The following MTERF4 variants were observed in gnomAD, a reference collection of about 807,000 sequenced individuals.
The protein encoded by MTERF4 is transcription termination factor 4, mitochondrial.
A neutral mutation model predicts 22.5 loss-of-function variants in MTERF4; 17 were observed. That is an observed-to-expected ratio of 0.75 (90% CI 0.52 to 1.13). The LOEUF is 1.13. Among genes scored for constraint, MTERF4 ranks in the 50% most tolerant of loss-of-function variants. MTERF4 has a pLI of 0.00. For synonymous variants in MTERF4, 165 were observed against 175.3 expected (o/e 0.94, Z 0.47); for missense variants, 420 against 466.8 (o/e 0.90, Z 0.92).
chr2:241,050,043 C>T, the MTERF4 span: 8 of 792,650 alleles, frequency 1.0e-5, no homozygotes, highest in East Asian at 2.6e-5. Context: ...TTGCTGACCT[C>T]GTCTAGAGCC....
chr2:241,087,848 C>T (rs776035322), downstream of MTERF4: 12 of 505,918 alleles, frequency 2.4e-5, no homozygotes, highest in Non-Finnish European at 3.8e-5. Context: ...GTTCTTTCCA[C>T]AAAGGGTTCA....
chr2:241,086,262 G>A (rs141140750), downstream of MTERF4, among the ~76,000 whole-genome samples: 1 of 152,160 alleles, frequency 6.6e-6, no homozygotes, highest in Non-Finnish European at 1.5e-5. Context: ...TTTGCCTTGT[G>A]GGGATTCACC....
downstream of MTERF4, chr2:241,067,677 C>A: frequency 8.5e-7 from 1 of 1,178,412 alleles, no homozygotes; most frequent in Non-Finnish European, 1.2e-6. Context: ...CCCCAGCACC[C>A]TCCCAAGCCT....
At chr2:241,070,578 CACAG>C (rs1478698303), downstream of MTERF4, among the ~76,000 whole-genome samples, 1 of 152,320 alleles carries the variant, frequency 6.6e-6, no homozygotes, top group South Asian at 2.1e-4. Flanking sequence ...AGCCACTGGA[CACAG>C]ACAGACAAAG....
chr2:241,048,651 C>T, the MTERF4 span: 1 of 1,601,338 alleles, frequency 6.2e-7, no homozygotes, highest in Admixed American at 1.7e-5. Flanking sequence ...TCCTCCCTCT[C>T]TTCGTGGCAG....
At chr2:241,052,477 G>C in the MTERF4 span, 6 of 1,594,254 alleles carry the variant, frequency 3.8e-6, no homozygotes, top group Admixed American at 1.7e-5. Context: ...AGGTGAGAGG[G>C]TCAGGGGGAT....
downstream of MTERF4, chr2:241,071,530 C>T: frequency 2.6e-6 from 4 of 1,554,542 alleles, no homozygotes; most frequent in Non-Finnish European, 3.5e-6. Context: ...GGGACAGGAG[C>T]AGAGGGCAGC....
At chr2:241,088,236 G>A (rs1427526730), downstream of MTERF4, 16 of 722,664 alleles carry the variant, frequency 2.2e-5, no homozygotes, top group Admixed American at 3.3e-4. Context: ...TGGACTAATG[G>A]TGTCCCCCAC....
the MTERF4 span, among the ~76,000 whole-genome samples, chr2:241,056,355 A>T: frequency 6.6e-6 from 1 of 152,212 alleles, no homozygotes; most frequent in Non-Finnish European, 1.5e-5. Flanking sequence ...AGCTCAAGAG[A>T]TCCTCCTGCC....
At chr2:241,084,629 G>A (rs949856734), downstream of MTERF4, among the ~76,000 whole-genome samples, 2 of 152,072 alleles carry the variant, frequency 1.3e-5, no homozygotes, top group African/African-American at 2.4e-5. Flanking sequence ...TGCACTATAC[G>A]TTATTTTTGC....
Position 241,100,303 on chromosome 2 carries a change from A to G in MTERF4, c.22-409T>C, listed in dbSNP as rs560839778. Among the ~76,000 whole-genome samples, 24 of 152,308 alleles carry G rather than the reference A, an allele frequency of 1.6e-4. No individual in the cohort carries two copies. In the South Asian group the frequency reaches 4.8e-3, roughly 30 times the overall value. On this transcript the variant is annotated intron_variant, in intron 1 of 3. Coordinates refer to ENST00000391980, the MANE Select transcript of MTERF4 (RefSeq NM_182501.4). ...GATACAGAGTTGGCCCTTGAACAAC[A>G]AGGGTTTGAACTGCTTGGATCCACT...
At chr2:241,069,662 G>A (rs1201849168), downstream of MTERF4, among the ~76,000 whole-genome samples, 7 of 152,116 alleles carry the variant, frequency 4.6e-5, no homozygotes, top group African/African-American at 1.4e-4. This position sits in a 1 kb window ranked among gnomAD's most constrained non-coding sequence, Gnocchi z 4.9. Flanking sequence ...GCCAGCTGAC[G>A]GGCCAGGGCC....
chr2:241,099,578 A>C lies in MTERF4; in HGVS notation c.338T>G (p.Leu113Arg). Residue 113 changes from leucine (L) to arginine (R), a missense_variant, in exon 2 of 4, where the codon CTC becomes CGC. Leu to Arg is a moderately radical substitution (Grantham distance 102). Transcript: ENST00000391980. ...GFSNAHINEL[L>R]SVRRGASLQQ... ...AAGACTGGCACCTCGCCGTACACTG[A>C]GCAATTCATTAATATGGGCATTGCT... The C allele has an allele frequency of 6.2e-7, 1 of 1,614,242 alleles. No individual in the cohort carries two copies. Among genetic ancestry groups the C allele is most frequent in the Non-Finnish European group, 8.5e-7 (1 of 1,180,042 alleles).
At chr2:241,067,536 G>A (rs775801064), downstream of MTERF4, among the ~76,000 whole-genome samples, 25 of 152,160 alleles carry the variant, frequency 1.6e-4, no homozygotes, top group African/African-American at 6.0e-4. Flanking sequence ...GGCCCACAGC[G>A]GGCTCTGCAG....
At chr2:241,052,758 C>T in the MTERF4 span, among the ~76,000 whole-genome samples, 31 of 112,474 alleles carry the variant, frequency 2.8e-4, 1 homozygote, top group East Asian at 2.9e-3. Context: ...GCCGGGGGGC[C>T]AAGCAGGGTA....
At chr2:241,059,407 A>AAACTCAATTGATACCC in the MTERF4 span, among the ~76,000 whole-genome samples, 3 of 152,252 alleles carry the variant, frequency 2.0e-5, no homozygotes, top group Non-Finnish European at 4.4e-5. Flanking sequence ...ATTTGATACC[A>AAACTCAATTGATACCC]AACTCAATTG....
At chr2:241,056,612 G>A in the MTERF4 span, among the ~76,000 whole-genome samples, 2 of 101,668 alleles carry the variant, frequency 2.0e-5, no homozygotes, top group Non-Finnish European at 3.7e-5. Flanking sequence ...ACGGAGTCTC[G>A]CTCTGTCTTC....
chr2:241,066,622 C>T, the MTERF4 span, among the ~76,000 whole-genome samples: 4 of 113,962 alleles, frequency 3.5e-5, no homozygotes, highest in East Asian at 2.0e-4. Flanking sequence ...TGCGAAGTGG[C>T]GTGATGGATG....
At chr2:241,044,948 G>A in the MTERF4 span, among the ~76,000 whole-genome samples, 3 of 152,262 alleles carry the variant, frequency 2.0e-5, no homozygotes, top group East Asian at 5.8e-4. Flanking sequence ...GAAACTGGAG[G>A]GTGAATCTTG....
Sources: gnomAD v4.1 joint callset for allele counts (sites outside exome capture counted in the v4.1 genomes callset) on GRCh38, gnomAD v4.1.1 for gene constraint, Gnocchi (gnomAD v3.1) non-coding constraint, MANE v1.5 for transcripts, NCBI Gene and HGNC (gene_info 2026-07-23, HGNC 2026-07-21) for gene names.